Variants in CHD8 observed in about 807,000 individuals in gnomAD.
CHD8 encodes ATP-dependent chromatin remodeler CHD8.
In CHD8, 31 loss-of-function variants were observed where a neutral mutation model predicts 279.2. That is an observed-to-expected ratio of 0.11 (90% CI 0.08 to 0.15). The LOEUF (loss-of-function observed/expected upper bound fraction) is 0.15. Ranked by LOEUF, CHD8 falls within the 10% of genes least tolerant of loss-of-function variation. The pLI, the probability that CHD8 is intolerant of heterozygous loss-of-function variation, is 1.00. For synonymous variants in CHD8, 1,081 were observed against 1,139.6 expected, an observed-to-expected ratio of 0.95 and a Z score of 1.04; for missense variants, 2,146 against 3,230.5, an observed-to-expected ratio of 0.66 and a Z score of 8.14.
In CHD8 at chr14:21,418,550, C is replaced by T. The variant is rs568808119; in HGVS notation, c.1717-2643G>A. Among the ~76,000 whole-genome samples, 333 of 141,504 alleles carry T rather than the reference C, an allele frequency of 2.4e-3. 1 individual carries two copies. Among genetic ancestry groups the T allele is most frequent in the Middle Eastern group, 0.011 (2 of 186 alleles). 92.8% of individuals were successfully genotyped at this position (141,504 alleles called of 152,430 possible). A position where few individuals can be genotyped will look rare whatever the true frequency, so the allele number is the denominator to read the frequency against. Reference sequence around the variant, plus strand: ...AAATAAAATAGCCAGGCGCGGTGGCCCACGCCTGTAATCCCAGCACTTTGG... The same window carrying T: ...AAATAAAATAGCCAGGCGCGGTGGCTCACGCCTGTAATCCCAGCACTTTGG... On this transcript the variant is annotated intron_variant, in intron 5 of 37. Coordinates refer to ENST00000646647, the MANE Select transcript of CHD8 (RefSeq NM_001170629.2).
chr14:21,415,010 A>G lies in CHD8; in HGVS notation c.1969-17T>C. ...AGAAGGGAGCTAAGAAAAAAGAAAT[A>G]AATTAGTCACTAGTCCCTTATTTGT... On this transcript the variant is annotated splice_polypyrimidine_tract_variant and intron_variant, in intron 7 of 37. Transcript: ENST00000646647. 6.5e-7 allele frequency: 1 copy of G among 1,543,540 alleles called. No individual in the cohort carries two copies. The highest frequency in any genetic ancestry group is 1.2e-5 in the South Asian group (1 of 85,264).
intron 5 of CHD8, 135 bp downstream of exon 5, chr14:21,425,993 C>A (rs947294163): frequency 4.9e-6 from 3 of 606,806 alleles, no homozygotes. Flanking sequence ...GTCCATCCAC[C>A]TTATTTAGGC....
In CHD8 at chr14:21,400,300, A is replaced by G; in HGVS notation, c.4578T>C (p.Ser1526=). 6.2e-7 allele frequency: 1 copy of G among 1,613,942 alleles called. No individual in the cohort carries two copies. Among genetic ancestry groups the G allele is most frequent in the South Asian group, 1.1e-5 (1 of 91,076 alleles). ...CTTTGCGTCCACGAGGCACAGGGAT[A>G]GATAGACCTGGGAAAGGGGAGACAT... ...TKELQNHSGL[S]IPVPRGRKGK... The change falls in exon 24 of 38, where the codon TCT becomes TCC. Residue 1526 remains serine (S), a synonymous_variant. Transcript: ENST00000646647. The surrounding 1 kb of genome is among the most constrained non-coding windows in gnomAD (Gnocchi z 4.2).
At chr14:21,447,229 A>T (rs774890618) in intron 1 of CHD8, among the ~76,000 whole-genome samples, 29 of 152,212 alleles carry the variant, frequency 1.9e-4, no homozygotes, top group Admixed American at 1.2e-3. Flanking sequence ...GTATGGCACT[A>T]CACATAAAAG....
In CHD8 at chr14:21,422,924, G is replaced by A. The variant is rs528337919; in HGVS notation, c.1716+3204C>T. 1.1e-4 allele frequency among the ~76,000 whole-genome samples: 17 copies of A among 151,864 alleles called. No homozygotes were observed. In the South Asian group the frequency reaches 3.3e-3, roughly 30 times the overall value. On this transcript the variant is annotated intron_variant, in intron 5 of 37. Transcript: ENST00000646647. ...AGCCTGGGAAACAGAGCAAGACTCT[G>A]TCTCAGAAAAAAAGAAGGCCAGGCA...
At chr14:21,426,447 A>C (rs138130117) in intron 4 of CHD8, 41 of 495,836 alleles carry the variant, frequency 8.3e-5, no homozygotes, top group Non-Finnish European at 1.3e-4. Context: ...CCCTTATACC[A>C]TATTTGACAA....
At position 21,385,787 on chromosome 14, in the gene CHD8, G is replaced by A; in HGVS notation, c.7572C>T (p.Ala2524=). ...GTGGCAACCGCAAGGTAGTACCAGA[G>A]GCGGTAGTCACTGGTGAAGAGGGGT... ...PGYPSSPVTT[A]SGTTLRLPPL... Residue 2524 remains alanine (A), a synonymous_variant, in exon 38 of 38, where the codon GCC becomes GCT. Transcript: ENST00000646647. 1 of 1,551,116 alleles carries A rather than the reference G, an allele frequency of 6.4e-7. No individual in the cohort carries two copies. The highest frequency in any genetic ancestry group is 2.4e-5 in the East Asian group (1 of 40,896).
chr14:21,402,521 CGAAAG>C lies in CHD8; in HGVS notation c.3715-23_3715-19del, dbSNP rs1888080351. ...GCCTGGGCCTGGTTTAAAATAAAAA[CGAAAG>C]GAAAGGAGAAAGATATCATAAAATT... is the stretch of plus-strand genomic sequence containing the variant. On this transcript the variant is annotated intron_variant, in intron 18 of 37. Coordinates refer to ENST00000646647, the MANE Select transcript of CHD8 (RefSeq NM_001170629.2). This position sits in a 1 kb window ranked among gnomAD's most constrained non-coding sequence, Gnocchi z 4.5. 1.3e-6 allele frequency: 2 copies of C among 1,559,544 alleles called. No individual in the cohort carries two copies. Among genetic ancestry groups the C allele is most frequent in the South Asian group, 1.2e-5 (1 of 82,596 alleles).
chr14:21,412,899 C>A lies in CHD8; in HGVS notation c.2226+14G>T. The A allele has an allele frequency of 6.5e-7, 1 of 1,530,978 alleles. No homozygotes were observed. The highest frequency in any genetic ancestry group is 9.1e-7 in the Non-Finnish European group (1 of 1,104,964). 94.8% of individuals were successfully genotyped at this position (1,530,978 alleles called of 1,614,324 possible). On this transcript the variant is annotated intron_variant, in intron 10 of 37. Coordinates refer to ENST00000646647, the MANE Select transcript of CHD8 (RefSeq NM_001170629.2). Reference sequence around the variant, plus strand: ...AAGAGGATGTTCACGTTACTCCATGCCTCAACAACTCACCTCCCCATTGTC... The same window carrying A: ...AAGAGGATGTTCACGTTACTCCATGACTCAACAACTCACCTCCCCATTGTC...
rs750335653 is a variant in CHD8 at position 21,430,968 on chromosome 14, C to T, written c.676G>A (p.Ala226Thr). 14 of 1,599,546 alleles carry T rather than the reference C, an allele frequency of 8.8e-6. No homozygotes were observed. The highest frequency in any genetic ancestry group is 4.5e-5 in the East Asian group (2 of 44,890). ...GCAGCCTGGTTCCCAGGGACCTTGG[C>T]GGCCAACACTGTATTACCAGAGACA... The part of the protein sequence containing the change: ...SIVSGNTVLA[A>T]KVPGNQAAVQ... The change falls in exon 2 of 38, where the codon GCC (alanine) becomes ACC (threonine). Residue 226 changes from alanine (A) to threonine (T), a missense_variant. Ala to Thr is a moderately conservative substitution (Grantham distance 58, BLOSUM62 0). Around this residue, in one of 26 missense-constraint regions of CHD8, gnomAD observed 302 missense variants for 325.5 expected, o/e 0.93. Coordinates refer to ENST00000646647, the MANE Select transcript of CHD8 (RefSeq NM_001170629.2).
Position 21,415,842 on chromosome 14 carries a change from T to C in CHD8, c.1782A>G (p.Thr594=). The change falls in exon 6 of 38, where the codon ACA becomes ACG. Residue 594 remains threonine, a synonymous_variant. Coordinates refer to ENST00000646647, the MANE Select transcript of CHD8 (RefSeq NM_001170629.2). The part of the protein sequence containing the change: ...KYTEDLDIKI[T]DDEEEEEVDV... ...CCACCTCTTCTTCTTCTTCATCATC[T>C]GTGATCTTTATATCCAGGTCCTCTG... is the stretch of plus-strand genomic sequence containing the variant. 1.2e-6 allele frequency: 2 copies of C among 1,614,040 alleles called. No individual in the cohort carries two copies. The highest frequency in any genetic ancestry group is 8.5e-7 in the Non-Finnish European group (1 of 1,179,892).
chr14:21,432,101 C>T (rs1052028043), intron 1 of CHD8, among the ~76,000 whole-genome samples: 4 of 152,166 alleles, frequency 2.6e-5, no homozygotes, highest in Admixed American at 6.5e-5. Context: ...TTTAAAGACT[C>T]TGTCAAGAGC....
rs777365850 is a variant in CHD8, at chr14:21,391,645, G to A, written c.6886-3C>T. 7.3e-7 allele frequency: 1 copy of A among 1,362,468 alleles called. No homozygotes were observed. Among genetic ancestry groups the A allele is most frequent in the Non-Finnish European group, 9.7e-7 (1 of 1,025,936 alleles). The allele number at this position is 1,362,468 out of a possible 1,614,324, so 84.4% of individuals were successfully genotyped here. A position where few individuals can be genotyped will look rare whatever the true frequency, so the allele number is the denominator to read the frequency against. On this transcript the variant is annotated splice_region_variant and splice_polypyrimidine_tract_variant and intron_variant, in intron 35 of 37. Transcript: ENST00000646647. ...TCTTCCATGCACTCCACCTCCAGCT[G>A]CAAACCCAGAATCCACCCCCATGAG...
chr14:21,415,188 AACAGGT>A, intron 7 of CHD8, 195 bp from the exon 8 acceptor site: 1 of 544,110 alleles, frequency 1.8e-6, no homozygotes, highest in South Asian at 2.5e-5. Context: ...ATCCACTCTA[AACAGGT>A]AAGTAAAAGA....
At chr14:21,423,278 C>T (rs1889136115) in intron 5 of CHD8, among the ~76,000 whole-genome samples, 1 of 151,994 alleles carries the variant, frequency 6.6e-6, no homozygotes, top group South Asian at 2.1e-4. Context: ...GCTGGTAAGT[C>T]CAATATCAAG....
chr14:21,404,039 C>T (rs1386331937), intron 16 of CHD8, among the ~76,000 whole-genome samples: 2 of 150,592 alleles, frequency 1.3e-5, no homozygotes, highest in Non-Finnish European at 2.9e-5. Context: ...GTGGTGGTTG[C>T]AGTGAGCTGA....
At position 21,400,554 on chromosome 14, in the gene CHD8, G is replaced by A. The variant is rs1555314390; in HGVS notation, c.4429C>T (p.Arg1477Ter). Reference sequence around the variant, plus strand: ...GCCCGACAAATGGTCTCCACATCTCGTTCAGTCATACGTCGCTTGAAGCGT... The same window carrying A: ...GCCCGACAAATGGTCTCCACATCTCATTCAGTCATACGTCGCTTGAAGCGT... ...HGRFKRRMTE[R>*]DVETICRAIL... The change falls in exon 23 of 38, where the codon CGA (arginine) becomes TGA (stop). Residue 1477 changes from arginine to a stop codon, truncating the protein, a stop_gained. Coordinates refer to ENST00000646647, the MANE Select transcript of CHD8 (RefSeq NM_001170629.2). LOFTEE classifies it high-confidence loss of function. The surrounding 1 kb of genome is among the most constrained non-coding windows in gnomAD (Gnocchi z 4.2). The A allele has an allele frequency of 6.2e-7, 1 of 1,611,570 alleles. No homozygotes were observed. Among genetic ancestry groups the A allele is most frequent in the East Asian group, 2.2e-5 (1 of 44,894 alleles).
rs1236235573 is a variant in CHD8, at chr14:21,392,772, T to C, written c.6506A>G (p.Gln2169Arg). Residue 2169 changes from glutamine to arginine, a missense_variant, in exon 34 of 38, where the codon CAG becomes CGG. Transcript: ENST00000646647. ...VLINRIDLVC[Q>R]AVLSGKWPSS... ...AGGCCACTTCCCTGAGAGTACAGCCTGGCAGACGAGGTCAATACGGTTTAT... is the reference window on the plus strand; with the variant it reads ...AGGCCACTTCCCTGAGAGTACAGCCCGGCAGACGAGGTCAATACGGTTTAT... The C allele has an allele frequency of 1.2e-6, 2 of 1,613,952 alleles. No individual in the cohort carries two copies. The highest frequency in any genetic ancestry group is 1.7e-6 in the Non-Finnish European group (2 of 1,179,866).
intron 28 of CHD8, 131 bp from the exon 29 acceptor site, chr14:21,395,483 T>A: frequency 1.5e-6 from 1 of 648,752 alleles, no homozygotes; most frequent in South Asian, 2.0e-5. Flanking sequence ...TAAAGAAATA[T>A]ATCCCCACAA....
Sources: gnomAD v4.1 joint callset for allele counts (sites outside exome capture counted in the v4.1 genomes callset) on GRCh38, gnomAD v4.1.1 for gene constraint, gnomAD v4.1.1 regional missense constraint, Gnocchi (gnomAD v3.1) non-coding constraint, MANE v1.5 for transcripts, NCBI Gene and HGNC (gene_info 2026-07-23, HGNC 2026-07-21) for gene names.